OSTF1: variants seen among roughly 807,000 people sequenced by gnomAD.
The protein encoded by OSTF1 is osteoclast-stimulating factor 1.
Under a neutral mutation model 37.2 loss-of-function variants are expected in OSTF1, and 27 were observed. The ratio of observed to expected loss-of-function variants is 0.73; its 90% CI spans 0.54 to 1.00. The LOEUF is 1.00. Ranked by LOEUF, OSTF1 falls within the 50% of genes least tolerant of loss-of-function variation. The pLI is 0.00. For synonymous variants in OSTF1, 82 were observed against 89.2 expected (o/e 0.92, Z 0.46); for missense variants, 232 against 253.8 (o/e 0.91, Z 0.58).
At chr9:75,129,950 A>G (rs1295225539) in intron 3 of OSTF1, among the ~76,000 whole-genome samples, 2 of 152,210 alleles carry the variant, frequency 1.3e-5, no homozygotes, top group African/African-American at 2.4e-5. Context: ...TTCAAAAAGT[A>G]TGTGTCTTTC....
rs150214957 is a variant in OSTF1 at position 75,120,302 on chromosome 9, C to A, written c.81+2752C>A. Among the ~76,000 whole-genome samples the A allele has an allele frequency of 9.7e-3, 1,470 of 152,194 alleles. 14 individuals carry two copies. The highest frequency in any genetic ancestry group is 0.034 in the African/African-American group (1,395 of 41,512). ...GCCCATAACAGGGAAGTGTGAGGCC[C>A]AGGGCTGTTGTCTTTAAGCCCTGCT... On this transcript the variant is annotated intron_variant, in intron 2 of 9. Transcript: ENST00000346234.
chr9:75,143,148 C>T (rs1469808220), intron 9 of OSTF1, among the ~76,000 whole-genome samples: 1 of 151,934 alleles, frequency 6.6e-6, no homozygotes, highest in Admixed American at 6.6e-5. Flanking sequence ...CCTTTTTTGT[C>T]CAGGCTGGTC....
chr9:75,137,417 TA>T, intron 7 of OSTF1, 120 bp from the exon 8 acceptor site: 5 of 650,160 alleles, frequency 7.7e-6, no homozygotes, highest in Non-Finnish European at 1.1e-5. Flanking sequence ...TATGTGGTTC[TA>T]TAACTTTGTT....
At chr9:75,136,862 C>G (rs1022640994) in intron 7 of OSTF1, among the ~76,000 whole-genome samples, 1 of 152,156 alleles carries the variant, frequency 6.6e-6, no homozygotes, top group African/African-American at 2.4e-5. Flanking sequence ...TGGGGCTGCA[C>G]TGCTTCACCA....
In OSTF1 at chr9:75,099,041, A is replaced by T. The variant is rs186331778; in HGVS notation, c.34+10315A>T. Among the ~76,000 whole-genome samples, 157 of 152,142 alleles carry T rather than the reference A, an allele frequency of 1.0e-3. 1 individual carries two copies. The highest frequency in any genetic ancestry group is 5.8e-3 in the Admixed American group (88 of 15,288). ...AACCTCCGCCTCCTGGGGTCAAGTG[A>T]TTCTCCTGCCTCAGCCTCCCGAGTA... is the stretch of plus-strand genomic sequence containing the variant. On this transcript the variant is annotated intron_variant, in intron 1 of 9. Coordinates refer to ENST00000346234, the MANE Select transcript of OSTF1 (RefSeq NM_012383.5).
intron 5 of OSTF1, 122 bp from the exon 6 acceptor site, chr9:75,133,167 CTTAAT>C (rs1322469669): frequency 3.3e-6 from 2 of 598,928 alleles, no homozygotes; most frequent in African/African-American, 1.9e-5. Flanking sequence ...ATGGGGAGGT[CTTAAT>C]TTAATACTTG....
At chr9:75,108,188 G>C (rs1825323509) in intron 1 of OSTF1, among the ~76,000 whole-genome samples, 1 of 151,886 alleles carries the variant, frequency 6.6e-6, no homozygotes. Flanking sequence ...TTGCACCACT[G>C]TACTCCAACC....
chr9:75,128,977 G>T (rs550370306), intron 3 of OSTF1, among the ~76,000 whole-genome samples: 1 of 151,990 alleles, frequency 6.6e-6, no homozygotes, highest in East Asian at 1.9e-4. Context: ...AAATGTACAG[G>T]CTTCTTTGAG....
At chr9:75,115,317 A>T (rs1825464611) in intron 1 of OSTF1, among the ~76,000 whole-genome samples, 1 of 152,004 alleles carries the variant, frequency 6.6e-6, no homozygotes, top group Admixed American at 6.6e-5. Context: ...TTTGAGGCAG[A>T]GTCTTGCTCT....
At chr9:75,141,088 C>G (rs543371740) in intron 9 of OSTF1, among the ~76,000 whole-genome samples, 156 bp downstream of exon 9, 7 of 152,108 alleles carry the variant, frequency 4.6e-5, no homozygotes, top group Admixed American at 4.6e-4. Context: ...CACTTGAGCC[C>G]AGGAGTTGGA....
Position 75,146,771 on chromosome 9 carries a change from T to C in OSTF1, c.*30T>C, listed in dbSNP as rs1564172727. 1 of 1,523,896 alleles carries C rather than the reference T, an allele frequency of 6.6e-7. No homozygotes were observed. Among genetic ancestry groups the C allele is most frequent in the East Asian group, 2.3e-5 (1 of 44,382 alleles). 94.4% of individuals were successfully genotyped at this position (1,523,896 alleles called of 1,614,324 possible). On this transcript the variant is annotated 3_prime_UTR_variant, in exon 10 of 10. Coordinates refer to ENST00000346234, the MANE Select transcript of OSTF1 (RefSeq NM_012383.5). ...TTTCTGGAGCTTTGAGATCTAAAAC[T>C]TCTGTTGCTTTTGCCATTCCAAAAC...
intron 7 of OSTF1, 67 bp downstream of exon 7, chr9:75,134,462 A>C: frequency 1.3e-6 from 1 of 771,940 alleles, no homozygotes; most frequent in Non-Finnish European, 2.2e-6. Context: ...AGAGCAACTC[A>C]TGGGCATGTG....
intron 1 of OSTF1, among the ~76,000 whole-genome samples, chr9:75,110,384 C>A (rs373108842): frequency 6.6e-6 from 1 of 152,176 alleles, no homozygotes; most frequent in East Asian, 1.9e-4. Flanking sequence ...CTTAGTAATA[C>A]GCATTTTAGT....
chr9:75,113,843 A>C (rs1419715906), intron 1 of OSTF1, among the ~76,000 whole-genome samples: 3 of 152,204 alleles, frequency 2.0e-5, no homozygotes, highest in Admixed American at 6.5e-5. Flanking sequence ...AGTACATAAT[A>C]CATTGTTATT....
At chr9:75,115,654 T>C (rs1825475873) in intron 1 of OSTF1, among the ~76,000 whole-genome samples, 1 of 149,756 alleles carries the variant, frequency 6.7e-6, no homozygotes, top group Non-Finnish European at 1.5e-5. Flanking sequence ...TGTTTTTTTT[T>C]TGTTTTTTGT....
intron 1 of OSTF1, among the ~76,000 whole-genome samples, chr9:75,091,147 G>A (rs931067677): frequency 3.4e-5 from 5 of 146,016 alleles, no homozygotes; most frequent in Non-Finnish European, 6.0e-5. Context: ...GTGCAGTGGC[G>A]CGATCTCGGC....
At chr9:75,145,778 A>G (rs979073581) in intron 9 of OSTF1, among the ~76,000 whole-genome samples, 7 of 152,174 alleles carry the variant, frequency 4.6e-5, no homozygotes, top group African/African-American at 1.2e-4. Context: ...AGCTTTATCA[A>G]TAGCCCATCT....
At chr9:75,125,300 T>A (rs1825644749) in intron 2 of OSTF1, among the ~76,000 whole-genome samples, 1 of 152,122 alleles carries the variant, frequency 6.6e-6, no homozygotes, top group Non-Finnish European at 1.5e-5. Context: ...AGTGATCCAG[T>A]TTGTTTCAAA....
intron 1 of OSTF1, among the ~76,000 whole-genome samples, chr9:75,111,933 C>T (rs1423727443): frequency 1.4e-5 from 2 of 140,608 alleles, no homozygotes; most frequent in Non-Finnish European, 1.5e-5. Flanking sequence ...AAGCGATTCT[C>T]CTGCCTCAGC....
Sources: allele counts gnomAD v4.1 joint callset (sites outside exome capture counted in the v4.1 genomes callset), GRCh38; gene constraint gnomAD v4.1.1; transcripts MANE v1.5; gene names NCBI Gene and HGNC (gene_info 2026-07-23, HGNC 2026-07-21).